Variants in UBE2W observed in about 807,000 individuals in gnomAD.
UBE2W encodes the protein ubiquitin-conjugating enzyme E2 W.
Under a neutral mutation model 27.2 loss-of-function variants are expected in UBE2W, and 18 were observed. The ratio of observed to expected loss-of-function variants is 0.66; its 90% confidence interval spans 0.46 to 0.98. UBE2W has a LOEUF of 0.98. Ranked by LOEUF, UBE2W falls within the 50% of genes least tolerant of loss-of-function variation. The pLI, the probability that UBE2W is intolerant of heterozygous loss-of-function variation, is 0.00. For missense variants in UBE2W, 90 were observed against 180.2 expected (o/e 0.50, Z 2.87); for synonymous variants, 53 against 57.2 (o/e 0.93, Z 0.33).
chr8:73,804,323 T>C (rs910112722), intron 5 of UBE2W, among the ~76,000 whole-genome samples: 6 of 149,426 alleles, frequency 4.0e-5, no homozygotes, highest in African/African-American at 1.5e-4. Context: ...CCAAAGGCAA[T>C]ACTCTTATGT....
intron 1 of UBE2W, among the ~76,000 whole-genome samples, chr8:73,843,779 CAAAAA>C (rs11336925): frequency 2.5e-5 from 3 of 121,244 alleles, no homozygotes; most frequent in Admixed American, 8.4e-5. Flanking sequence ...GTAGAGACAC[CAAAAA>C]AAAAAAAAAA....
intron 1 of UBE2W, among the ~76,000 whole-genome samples, chr8:73,843,419 A>C (rs1396650638): frequency 4.6e-5 from 7 of 152,186 alleles, no homozygotes; most frequent in Non-Finnish European, 1.0e-4. Context: ...GATTACTTGC[A>C]GCCAGGTGTA....
At chr8:73,818,414 C>T (rs1006966145) in intron 3 of UBE2W, among the ~76,000 whole-genome samples, 6 of 152,176 alleles carry the variant, frequency 3.9e-5, no homozygotes, top group African/African-American at 1.4e-4. Context: ...GGTTTATATG[C>T]CACACAACAG....
intron 5 of UBE2W, chr8:73,795,645 A>G (rs1441089003): frequency 2.7e-6 from 1 of 363,810 alleles, no homozygotes; most frequent in Non-Finnish European, 3.8e-6. Context: ...GCAAACTCAT[A>G]GAGTATTCCA....
chr8:73,821,827 C>A (rs113868212), intron 3 of UBE2W, among the ~76,000 whole-genome samples: 17,118 of 151,940 alleles, frequency 0.11, 1,037 homozygotes, highest in Middle Eastern at 0.18. Flanking sequence ...ATGGCAAGAC[C>A]CCATCTCTAC....
Position 73,787,418 on chromosome 8 carries a change from G to C in UBE2W, c.*6684C>G. ...CCTACTATGGAAAGTAGAAATTAAG[G>C]ATTATAATAAAGGAAAAGGGCATCA... On this transcript the variant is annotated 3_prime_UTR_variant, in exon 6 of 6. Transcript: ENST00000602593. The C allele has an allele frequency of 2.0e-6, 2 of 985,382 alleles. No individual in the cohort carries two copies. Among genetic ancestry groups the C allele is most frequent in the Non-Finnish European group, 2.4e-6 (2 of 829,908 alleles). 61.0% of individuals were successfully genotyped at this position (985,382 alleles called of 1,614,324 possible).
chr8:73,810,710 T>C (rs1809115866), intron 3 of UBE2W, 81 bp from the exon 4 acceptor site: 1 of 1,194,634 alleles, frequency 8.4e-7, no homozygotes, highest in South Asian at 2.1e-5. Context: ...ATAACAAATA[T>C]TGATTATAAA....
chr8:73,792,632 G>A lies in UBE2W; in HGVS notation c.*1470C>T. 1 of 985,606 alleles carries A rather than the reference G, an allele frequency of 1.0e-6. No individual in the cohort carries two copies. Among genetic ancestry groups the A allele is most frequent in the Non-Finnish European group, 1.2e-6 (1 of 829,736 alleles). 61.1% of individuals were successfully genotyped at this position (985,606 alleles called of 1,614,324 possible). ...TATTCACTGCAGGATATTTCAAAAA[G>A]AGTGCAACAATAAGGCATTAGTAAA... On this transcript the variant is annotated 3_prime_UTR_variant, in exon 6 of 6. Coordinates refer to ENST00000602593, the MANE Select transcript of UBE2W (RefSeq NM_018299.6).
At chr8:73,829,066 C>T (rs898667672) in intron 2 of UBE2W, among the ~76,000 whole-genome samples, 4 of 152,024 alleles carry the variant, frequency 2.6e-5, no homozygotes, top group African/African-American at 9.7e-5. Context: ...AAAATTCTTG[C>T]CTGACCAATA....
intron 5 of UBE2W, among the ~76,000 whole-genome samples, chr8:73,798,806 A>G (rs1477827747): frequency 6.6e-6 from 1 of 152,228 alleles, no homozygotes; most frequent in East Asian, 1.9e-4. Context: ...TTATTGGTGC[A>G]TAGAACTGTA....
In UBE2W at chr8:73,869,312, C is replaced by A. The variant is rs371624309; in HGVS notation, c.15+9496G>T. Among the ~76,000 whole-genome samples the A allele has an allele frequency of 2.6e-5, 4 of 152,196 alleles. No homozygotes were observed. In the East Asian group the frequency reaches 5.8e-4, roughly 22 times the overall value. ...GTGGCTCATGCCTGTAATCCCAGCA[C>A]TTTGTGAGGCCGAGGCGGGCGGATC... On this transcript the variant is annotated intron_variant, in intron 1 of 5. Transcript: ENST00000602593.
At position 73,791,707 on chromosome 8, in the gene UBE2W, T is replaced by A. The variant is rs1808209599; in HGVS notation, c.*2395A>T. The stretch of plus-strand genomic sequence containing the variant: ...TCAATGATTCCTAAATTCAAGAGAG[T>A]GTTGTTAGCCTGATTATGAATTTTA... On this transcript the variant is annotated 3_prime_UTR_variant, in exon 6 of 6. Coordinates refer to ENST00000602593, the MANE Select transcript of UBE2W (RefSeq NM_018299.6). 1.0e-6 allele frequency: 1 copy of A among 984,828 alleles called. No individual in the cohort carries two copies. The highest frequency in any genetic ancestry group is 1.8e-5 in the African/African-American group (1 of 57,118). 61.0% of individuals were successfully genotyped at this position (984,828 alleles called of 1,614,324 possible).
chr8:73,837,444 C>T (rs920580118), intron 1 of UBE2W, among the ~76,000 whole-genome samples: 1 of 151,698 alleles, frequency 6.6e-6, no homozygotes, highest in Non-Finnish European at 1.5e-5. Context: ...ACCCAGAAGG[C>T]GGAGGTTCCA....
Position 73,792,695 on chromosome 8 carries a change from A to G in UBE2W, c.*1407T>C, listed in dbSNP as rs1233568450. Reference sequence around the variant, plus strand: ...GTAGAAACAGATTTTGCATATGTGAAAAGGTAATTTATAAAATACATTAAT... The same window carrying G: ...GTAGAAACAGATTTTGCATATGTGAGAAGGTAATTTATAAAATACATTAAT... On this transcript the variant is annotated 3_prime_UTR_variant, in exon 6 of 6. Coordinates refer to ENST00000602593, the MANE Select transcript of UBE2W (RefSeq NM_018299.6). The G allele has an allele frequency of 2.0e-6, 2 of 985,108 alleles. No individual in the cohort carries two copies. Among genetic ancestry groups the G allele is most frequent in the East Asian group, 2.3e-4 (2 of 8,820 alleles). 61.0% of individuals were successfully genotyped at this position (985,108 alleles called of 1,614,324 possible).
chr8:73,828,060 C>G (rs989064195), intron 2 of UBE2W, among the ~76,000 whole-genome samples: 1 of 152,116 alleles, frequency 6.6e-6, no homozygotes, highest in African/African-American at 2.4e-5. Context: ...CAATTTAAAC[C>G]ATCAGGGTTT....
intron 5 of UBE2W, chr8:73,795,686 TGGA>T: frequency 1.5e-6 from 1 of 682,826 alleles, no homozygotes; most frequent in Non-Finnish European, 1.8e-6. Flanking sequence ...GGAAACAGAC[TGGA>T]GTTTAAAAAT....
At chr8:73,846,468 A>C (rs1407195067) in intron 1 of UBE2W, among the ~76,000 whole-genome samples, 1 of 152,208 alleles carries the variant, frequency 6.6e-6, no homozygotes, top group Non-Finnish European at 1.5e-5. Flanking sequence ...AGATTTAAAA[A>C]AATTTTTTAT....
chr8:73,865,527 G>A (rs139852679), intron 1 of UBE2W, among the ~76,000 whole-genome samples: 4 of 152,270 alleles, frequency 2.6e-5, no homozygotes, highest in East Asian at 3.9e-4. Context: ...TGGGAGAATC[G>A]CTTGGGTCCA....
intron 1 of UBE2W, among the ~76,000 whole-genome samples, chr8:73,838,669 A>T (rs940466265): frequency 6.6e-6 from 1 of 152,152 alleles, no homozygotes; most frequent in Admixed American, 6.5e-5. Context: ...ACTCTCCCCT[A>T]TGACTGGGAG....
Sources: allele counts gnomAD v4.1 joint callset (sites outside exome capture counted in the v4.1 genomes callset), GRCh38; gene constraint gnomAD v4.1.1; transcripts MANE v1.5; gene names NCBI Gene and HGNC (gene_info 2026-07-23, HGNC 2026-07-21).